CTBP2: variants seen among roughly 807,000 people sequenced by gnomAD.
CTBP2 encodes the protein C-terminal binding protein 2.
Under a neutral mutation model 80.3 loss-of-function variants are expected in CTBP2, and 30 were observed. The ratio of observed to expected loss-of-function variants is 0.37; its 90% CI spans 0.28 to 0.51. CTBP2 has a LOEUF of 0.51. CTBP2 is among the 20% of genes least tolerant of loss of function. CTBP2 has a pLI of 0.93. For missense variants in CTBP2, 1,212 were observed against 1,375.3 expected, an observed-to-expected ratio of 0.88 and a Z score of 1.88; for synonymous variants, 594 against 587.4, an observed-to-expected ratio of 1.01 and a Z score of -0.16.
At chr10:125,068,080 C>A (rs1844916521) in intron 2 of CTBP2, among the ~76,000 whole-genome samples, 1 of 152,190 alleles carries the variant, frequency 6.6e-6, no homozygotes, top group South Asian at 2.1e-4. Flanking sequence ...TCAGCCCCAA[C>A]AAGCAGCCAG....
chr10:125,079,335 C>T (rs961490065), intron 2 of CTBP2, among the ~76,000 whole-genome samples: 1 of 152,162 alleles, frequency 6.6e-6, no homozygotes, highest in Admixed American at 6.5e-5. Context: ...CCACGGTTCC[C>T]AGCGGTGGCG....
intron 2 of CTBP2, 44 bp downstream of exon 4, chr10:125,003,294 T>C: frequency 1.3e-6 from 2 of 1,594,036 alleles, no homozygotes; most frequent in Non-Finnish European, 1.7e-6. Context: ...GGGAGGAAAC[T>C]GCCCAAGGTC....
chr10:125,062,237 T>TG (rs1438968690), intron 2 of CTBP2, among the ~76,000 whole-genome samples: 4 of 148,168 alleles, frequency 2.7e-5, no homozygotes, highest in East Asian at 2.3e-4. Context: ...TGCCCCTGAA[T>TG]GGGGGGACAC....
chr10:125,005,752 G>A (rs2134318001), intron 1 of CTBP2: 1 of 1,612,860 alleles, frequency 6.2e-7, no homozygotes. Flanking sequence ...CACTCTTCTG[G>A]CCCCTACTTG....
In CTBP2 at chr10:125,027,739, A is replaced by G; in HGVS notation, c.21T>C (p.His7=). The G allele has an allele frequency of 1.9e-6, 3 of 1,597,226 alleles. No homozygotes were observed. The highest frequency in any genetic ancestry group is 2.6e-6 in the Non-Finnish European group (3 of 1,169,120). The change falls in exon 1 of 9, where the codon CAT becomes CAC. Residue 7 remains histidine, a synonymous_variant. Coordinates refer to ENST00000309035, the MANE Select transcript of CTBP2 (RefSeq NM_022802.3). ...AGCTCTGAGAACGACCAATATTTAT[A>G]TGCCTGCTGGGAACTGGCATTGGAA...
chr10:125,052,606 C>A (rs1464391556), intron 2 of CTBP2, among the ~76,000 whole-genome samples: 1 of 152,222 alleles, frequency 6.6e-6, no homozygotes, highest in Non-Finnish European at 1.5e-5. Flanking sequence ...GATCCCCACA[C>A]GGCCCACAGA....
chr10:125,146,999 C>T (rs868816013), intron 1 of CTBP2, among the ~76,000 whole-genome samples: 5 of 152,166 alleles, frequency 3.3e-5, no homozygotes, highest in Admixed American at 1.3e-4. Flanking sequence ...GTCCAGTTAC[C>T]ACAGCTGCTG....
intron 2 of CTBP2, among the ~76,000 whole-genome samples, chr10:125,042,423 C>A (rs1960115653): frequency 6.6e-6 from 1 of 152,152 alleles, no homozygotes; most frequent in Admixed American, 6.5e-5. Flanking sequence ...ACTCATAAAT[C>A]AATTTTTCCC....
intron 1 of CTBP2, among the ~76,000 whole-genome samples, chr10:125,155,370 A>G (rs1860727715): frequency 6.6e-6 from 1 of 151,548 alleles, no homozygotes; most frequent in Non-Finnish European, 1.5e-5. Context: ...CTCTCTCCCT[A>G]TTGTACATTC....
chr10:125,084,256 C>T (rs561366743), intron 2 of CTBP2, among the ~76,000 whole-genome samples: 11 of 152,302 alleles, frequency 7.2e-5, no homozygotes, highest in Admixed American at 1.3e-4. Context: ...TGAGCCCAGC[C>T]GGCTGCTGTT....
intron 2 of CTBP2, among the ~76,000 whole-genome samples, chr10:125,103,627 C>G (rs1202241036): frequency 3.9e-5 from 6 of 152,162 alleles, no homozygotes; most frequent in Non-Finnish European, 7.4e-5. Flanking sequence ...GCTTCTGCGA[C>G]ATGCAGAAGA....
At chr10:125,123,165 T>C (rs1040485610) in intron 1 of CTBP2, among the ~76,000 whole-genome samples, 3 of 152,190 alleles carry the variant, frequency 2.0e-5, no homozygotes, top group Admixed American at 6.5e-5. Flanking sequence ...GTGTCGACCA[T>C]GTGCTTCAGC....
intron 1 of CTBP2, among the ~76,000 whole-genome samples, chr10:125,147,692 G>A (rs930232895): frequency 4.6e-5 from 7 of 152,124 alleles, no homozygotes; most frequent in Non-Finnish European, 8.8e-5. Flanking sequence ...GAGCTCAGGA[G>A]TTCATGAGCA....
chr10:125,017,426 A>G (rs1299165585), intron 1 of CTBP2, among the ~76,000 whole-genome samples: 1 of 152,152 alleles, frequency 6.6e-6, no homozygotes, highest in African/African-American at 2.4e-5. Context: ...TTTGGTTGCT[A>G]GGAAGCTCAG....
At chr10:125,006,615 A>G (rs1020840491) in intron 1 of CTBP2, among the ~76,000 whole-genome samples, 5 of 152,344 alleles carry the variant, frequency 3.3e-5, no homozygotes, top group African/African-American at 1.2e-4. Context: ...GGAGAGATGA[A>G]GGTGCAAACA....
At chr10:125,012,399 C>G (rs1182138215) in intron 1 of CTBP2, among the ~76,000 whole-genome samples, 1 of 152,186 alleles carries the variant, frequency 6.6e-6, no homozygotes, top group Non-Finnish European at 1.5e-5. Flanking sequence ...GATAGGGACA[C>G]TCTCAGCCAC....
chr10:125,005,673 T>C, intron 1 of CTBP2: 1 of 1,612,926 alleles, frequency 6.2e-7, no homozygotes. Context: ...GGCTCCCACC[T>C]GGGCTCCTGT....
intron 1 of CTBP2, among the ~76,000 whole-genome samples, chr10:125,149,458 C>T (rs976745697): frequency 6.6e-6 from 1 of 152,146 alleles, no homozygotes; most frequent in Non-Finnish European, 1.5e-5. Flanking sequence ...TGAGCCAGGA[C>T]ACCGGGACTC....
At chr10:125,005,447 C>T (rs929497546) in intron 1 of CTBP2, 22 of 1,213,070 alleles carry the variant, frequency 1.8e-5, no homozygotes, top group African/African-American at 3.0e-5. Flanking sequence ...ACAGGGTGTC[C>T]GCATGGATCC....
Sources: allele counts gnomAD v4.1 joint callset (sites outside exome capture counted in the v4.1 genomes callset), GRCh38; gene constraint gnomAD v4.1.1; transcripts MANE v1.5; gene names NCBI Gene and HGNC (gene_info 2026-07-23, HGNC 2026-07-21).